MTCL1: variants seen among roughly 807,000 people sequenced by gnomAD.
MTCL1 encodes the protein microtubule cross-linking factor 1.
MTCL1 carries 79 observed loss-of-function variants against 141.4 expected under a neutral mutation model. The observed-to-expected ratio is 0.56, with a 90% confidence interval of 0.47 to 0.67. MTCL1 has a LOEUF of 0.67. Among genes scored for constraint, MTCL1 ranks in the 30% least tolerant of loss-of-function variants. The pLI is 0.00. For synonymous variants in MTCL1, 914 were observed against 875.8 expected, an observed-to-expected ratio of 1.04 and a Z score of -0.77; for missense variants, 2,177 against 2,113.9, an observed-to-expected ratio of 1.03 and a Z score of -0.59.
At chr18:8,772,967 A>G (rs1046174642) in intron 4 of MTCL1, among the ~76,000 whole-genome samples, 8 of 152,212 alleles carry the variant, frequency 5.3e-5, no homozygotes, top group Non-Finnish European at 8.8e-5. Flanking sequence ...GATGATGGTT[A>G]TGTTGATTTG....
intron 4 of MTCL1, among the ~76,000 whole-genome samples, chr18:8,752,024 A>G (rs1331742755): frequency 6.6e-6 from 1 of 152,198 alleles, no homozygotes; most frequent in Non-Finnish European, 1.5e-5. Flanking sequence ...CCCCAGAGGG[A>G]TATTTGAAAA....
chr18:8,792,620 C>T (rs1464073293), intron 7 of MTCL1, among the ~76,000 whole-genome samples: 1 of 152,234 alleles, frequency 6.6e-6, no homozygotes, highest in African/African-American at 2.4e-5. Context: ...AATAGGTGGT[C>T]ATGCTTGCCT....
chr18:8,739,945 A>G (rs1445237426), intron 4 of MTCL1, among the ~76,000 whole-genome samples: 1 of 152,150 alleles, frequency 6.6e-6, no homozygotes, highest in African/African-American at 2.4e-5. Context: ...GTTGGCCAGG[A>G]TGTTCTCAAT....
upstream of MTCL1, among the ~76,000 whole-genome samples, chr18:8,712,749 T>C (rs1224964645): frequency 6.6e-6 from 1 of 152,176 alleles, no homozygotes; most frequent in Non-Finnish European, 1.5e-5. Context: ...CAGCTGGGAC[T>C]CTTGGAGAAC....
Position 8,720,198 on chromosome 18 carries a change from A to G in MTCL1, c.199-140A>G, listed in dbSNP as rs140308416. ...TGAATCTCCTCCTCCTTTTAACAATAAGTCAGTTGTGTATTGCCAGGGTCT... is the reference window on the plus strand; with the variant it reads ...TGAATCTCCTCCTCCTTTTAACAATGAGTCAGTTGTGTATTGCCAGGGTCT... On this transcript the variant is annotated intron_variant, in intron 3 of 16. Coordinates refer to ENST00000359865, the Ensembl canonical transcript of MTCL1. The G allele has an allele frequency of 9.5e-4, 702 of 740,122 alleles. 3 individuals carry two copies. The African/African-American group carries it at 0.012, about 12-fold the overall frequency. The allele number at this position is 740,122 out of a possible 1,614,324, so 45.8% of individuals were successfully genotyped here.
At chr18:8,825,568 G>A (rs777160497) in exon 15 of MTCL1, 5 of 1,613,210 alleles carry the variant, frequency 3.1e-6, no homozygotes, top group Admixed American at 1.7e-5. Context: ...AAGGCTGGGG[G>A]CGGTGCTACA....
At chr18:8,720,437 A>G in exon 4 of MTCL1, 1 of 1,614,146 alleles carries the variant, frequency 6.2e-7, no homozygotes. Context: ...CCGACAGCAG[A>G]TGATTGAAGT....
intron 4 of MTCL1, among the ~76,000 whole-genome samples, chr18:8,739,226 C>T (rs2096289088): frequency 6.6e-6 from 1 of 152,086 alleles, no homozygotes; most frequent in African/African-American, 2.4e-5. Flanking sequence ...GACTGGGCAA[C>T]AGAGTGAGAC....
At chr18:8,806,645 C>A (rs1232434803) in intron 10 of MTCL1, among the ~76,000 whole-genome samples, 1 of 152,162 alleles carries the variant, frequency 6.6e-6, no homozygotes, top group Non-Finnish European at 1.5e-5. Context: ...GTCACCAGGG[C>A]AGCCTTCCTT....
intron 5 of MTCL1, chr18:8,778,110 G>T: frequency 2.2e-6 from 1 of 464,672 alleles, no homozygotes; most frequent in East Asian, 3.5e-5. Flanking sequence ...ACAAGCTGGT[G>T]ATTTCTTCAG....
intron 7 of MTCL1, chr18:8,789,790 T>C (rs1169248063): frequency 6.2e-6 from 5 of 811,506 alleles, no homozygotes; most frequent in Middle Eastern, 1.3e-3. Context: ...AAGGGAAATA[T>C]TTATTTTTTT....
At position 8,830,016 on chromosome 18, in the gene MTCL1, A is replaced by T; in HGVS notation, c.*18+1052A>T. The T allele has an allele frequency of 1.0e-6, 1 of 985,526 alleles. No individual in the cohort carries two copies. The highest frequency in any genetic ancestry group is 4.7e-5 in the South Asian group (1 of 21,284). 61.0% of individuals were successfully genotyped at this position (985,526 alleles called of 1,614,324 possible). On this transcript the variant is annotated intron_variant, in intron 16 of 16. Transcript: ENST00000359865. This position sits in a 1 kb window ranked among gnomAD's most constrained non-coding sequence, Gnocchi z 6.4. ...TACGGTGGTGTCAGATAAACCTATGACAGCAGCTTCACCAACACACAACAC... is the reference window on the plus strand; with the variant it reads ...TACGGTGGTGTCAGATAAACCTATGTCAGCAGCTTCACCAACACACAACAC...
intron 4 of MTCL1, among the ~76,000 whole-genome samples, chr18:8,744,917 T>C (rs1218392251): frequency 6.6e-6 from 1 of 152,192 alleles, no homozygotes; most frequent in Non-Finnish European, 1.5e-5. Context: ...AGGGAGTGTT[T>C]GGGAGGGGGT....
chr18:8,789,441 T>G, intron 7 of MTCL1: 1 of 985,390 alleles, frequency 1.0e-6, no homozygotes, highest in African/African-American at 1.7e-5. Flanking sequence ...TCCTTTTCTG[T>G]TTGTGTTTGA....
At chr18:8,788,584 G>T (rs1425473423) in intron 7 of MTCL1, among the ~76,000 whole-genome samples, 3 of 152,206 alleles carry the variant, frequency 2.0e-5, no homozygotes, top group Non-Finnish European at 4.4e-5. Flanking sequence ...ACTCATAGTT[G>T]TACCAGCAGC....
In MTCL1 at chr18:8,793,680, A is replaced by G. The variant is rs555312468; in HGVS notation, c.2010+560A>G. On this transcript the variant is annotated intron_variant, in intron 8 of 16. Coordinates refer to ENST00000359865, the Ensembl canonical transcript of MTCL1. ...CGTCGCCCTGGACATCCATGAGAACAGCCCAATCCCGGCCACCCCAAATCT... is the reference window on the plus strand; with the variant it reads ...CGTCGCCCTGGACATCCATGAGAACGGCCCAATCCCGGCCACCCCAAATCT... 1.2e-3 allele frequency among the ~76,000 whole-genome samples: 187 copies of G among 152,320 alleles called. 4 individuals carry two copies. Among genetic ancestry groups the G allele is most frequent in the Middle Eastern group, 0.01 (3 of 294 alleles).
In MTCL1 at chr18:8,718,013, T is replaced by C. The variant is rs972551345; in HGVS notation, c.-28+51T>C. On this transcript the variant is annotated intron_variant, in intron 2 of 16. Coordinates refer to ENST00000359865, the Ensembl canonical transcript of MTCL1. ...GCACTTGTTATCCTACTGAAGTTTA[T>C]GTTCTTTGAAGGCAGGGTCCGTATG... 62 of 1,018,332 alleles carry C rather than the reference T, an allele frequency of 6.1e-5. No homozygotes were observed. In the African/African-American group the frequency reaches 9.5e-4, roughly 16 times the overall value. The allele number at this position is 1,018,332 out of a possible 1,614,324, so 63.1% of individuals were successfully genotyped here.
intron 4 of MTCL1, among the ~76,000 whole-genome samples, chr18:8,772,024 C>T (rs1458673878): frequency 6.6e-6 from 1 of 152,206 alleles, no homozygotes; most frequent in Non-Finnish European, 1.5e-5. Flanking sequence ...GACACTTCAC[C>T]CAGAGTCCGG....
Position 8,718,666 on chromosome 18 carries a change from G to A in MTCL1, c.198+18G>A, listed in dbSNP as rs780542111. ...ACTTGAAGGTGAGTGAGGGGGTGGT[G>A]CGTGCACCTCGCAAGGCTGCTGTGG... On this transcript the variant is annotated intron_variant, in intron 3 of 16. Transcript: ENST00000359865. The A allele has an allele frequency of 1.9e-6, 3 of 1,610,576 alleles. No homozygotes were observed. In the East Asian group the frequency reaches 6.7e-5, roughly 36 times the overall value.
Sources: allele counts gnomAD v4.1 joint callset (sites outside exome capture counted in the v4.1 genomes callset), GRCh38; gene constraint gnomAD v4.1.1; non-coding constraint Gnocchi (gnomAD v3.1); transcripts MANE v1.5; gene names NCBI Gene and HGNC (gene_info 2026-07-23, HGNC 2026-07-21).